Variants in VLDLR observed in about 807,000 individuals in gnomAD.
VLDLR encodes the protein very low density lipoprotein receptor.
Under a neutral mutation model 112.7 loss-of-function variants are expected in VLDLR, and 81 were observed. That is an observed-to-expected ratio of 0.72 (90% CI 0.60 to 0.86). The LOEUF is 0.86. Among genes scored for constraint, VLDLR ranks in the 40% least tolerant of loss-of-function variants. The pLI is 0.00. For synonymous variants in VLDLR, 436 were observed against 384.8 expected, an observed-to-expected ratio of 1.13 and a Z score of -1.56; for missense variants, 1,237 against 1,099.4, an observed-to-expected ratio of 1.13 and a Z score of -1.77.
chr9:2,642,214 C>T (rs1275268650), intron 4 of VLDLR, among the ~76,000 whole-genome samples: 27 of 152,192 alleles, frequency 1.8e-4, no homozygotes, highest in Non-Finnish European at 1.9e-4. Flanking sequence ...TTCTTTCAAG[C>T]TACTGCCCTT....
At position 2,651,882 on chromosome 9, in the gene VLDLR, G is replaced by A. The variant is rs767144958; in HGVS notation, c.2344G>A (p.Val782Met). Residue 782 changes from valine to methionine, a missense_variant, in exon 17 of 19, where the codon GTG becomes ATG. By Grantham distance (21) the Val-to-Met change is conservative. Coordinates refer to ENST00000382100, the MANE Select transcript of VLDLR (RefSeq NM_003383.5). Reference sequence around the variant, plus strand: ...CTTTTATTCCTCTGTAGGGATCAATGTGACCACAGCAGTATCAGAGGTCAG... The same window carrying A: ...CTTTTATTCCTCTGTAGGGATCAATATGACCACAGCAGTATCAGAGGTCAG... Reference protein sequence around the residue: ...TSGLVPGGINVTTAVSEVSVP... With the variant: ...TSGLVPGGINMTTAVSEVSVP... The A allele has an allele frequency of 7.4e-6, 12 of 1,614,038 alleles. No individual in the cohort carries two copies. In the South Asian group the frequency reaches 1.1e-4, roughly 15 times the overall value.
rs894514946 is a variant in VLDLR, at chr9:2,654,190, A to T, written c.*322A>T. ...CAGTGAAACTTGTGCTATAGTGTAT[A>T]CCACCTGTACATACATTGTATAGGC... On this transcript the variant is annotated 3_prime_UTR_variant, in exon 19 of 19. Transcript: ENST00000382100. 5.2e-6 allele frequency: 2 copies of T among 383,864 alleles called. No individual in the cohort carries two copies. Among genetic ancestry groups the T allele is most frequent in the Non-Finnish European group, 9.9e-6 (2 of 202,244 alleles). 23.8% of individuals were successfully genotyped at this position (383,864 alleles called of 1,614,324 possible).
rs1247552110 is a variant in VLDLR at position 2,656,605 on chromosome 9, C to A, written c.*2737C>A. On this transcript the variant is annotated 3_prime_UTR_variant, in exon 19 of 19. Coordinates refer to ENST00000382100, the MANE Select transcript of VLDLR (RefSeq NM_003383.5). ...ATAAGTTTGCTCTGTCTCTAGAGTT[C>A]AATGTAGAAGATAATTAAGAGGTAA... The A allele has an allele frequency of 6.6e-6, 1 of 151,866 alleles. No homozygotes were observed. The highest frequency in any genetic ancestry group is 1.5e-5 in the Non-Finnish European group (1 of 68,008). The allele number at this position is 151,866 out of a possible 1,614,324, so 9.4% of individuals were successfully genotyped here.
chr9:2,626,343 G>C (rs527758364), intron 1 of VLDLR, among the ~76,000 whole-genome samples: 17 of 152,306 alleles, frequency 1.1e-4, no homozygotes, highest in African/African-American at 3.4e-4. Context: ...ACTGCAACTT[G>C]TCACGTGATG....
In VLDLR at chr9:2,652,838, G is replaced by T; in HGVS notation, c.2475G>T (p.Lys825Asn). 6.2e-7 allele frequency: 1 copy of T among 1,614,100 alleles called. No homozygotes were observed. The highest frequency in any genetic ancestry group is 8.5e-7 in the Non-Finnish European group (1 of 1,180,006). ...GYLMWRNWQH[K>N]NMKSMNFDNP... Reference sequence around the variant, plus strand: ...TGATGTGGCGGAATTGGCAACACAAGAACATGAAAAGCATGAACTTTGACA... The same window carrying T: ...TGATGTGGCGGAATTGGCAACACAATAACATGAAAAGCATGAACTTTGACA... The change falls in exon 18 of 19, where the codon AAG (lysine) becomes AAT (asparagine). Residue 825 changes from lysine (K) to asparagine (N), a missense_variant. Lys to Asn is a moderately conservative substitution (Grantham distance 94, BLOSUM62 0). Transcript: ENST00000382100.
intron 1 of VLDLR, among the ~76,000 whole-genome samples, chr9:2,634,960 C>T (rs954144396): frequency 2.0e-5 from 3 of 152,148 alleles, no homozygotes; most frequent in Admixed American, 2.0e-4. Context: ...TAGCCACACA[C>T]GTAGTTTCAA....
rs189180202 is a variant in VLDLR at position 2,654,082 on chromosome 9, C to T, written c.*214C>T. The T allele has an allele frequency of 5.0e-5, 28 of 556,900 alleles. No individual in the cohort carries two copies. The highest frequency in any genetic ancestry group is 3.0e-4 in the African/African-American group (16 of 52,806). 34.5% of individuals were successfully genotyped at this position (556,900 alleles called of 1,614,324 possible). Reference sequence around the variant, plus strand: ...CTACTTCAGCTTTGGATGTGGTTACCGAGTATCTGTAACCCTTGAATTTCT... The same window carrying T: ...CTACTTCAGCTTTGGATGTGGTTACTGAGTATCTGTAACCCTTGAATTTCT... On this transcript the variant is annotated 3_prime_UTR_variant, in exon 19 of 19. Coordinates refer to ENST00000382100, the MANE Select transcript of VLDLR (RefSeq NM_003383.5).
intron 1 of VLDLR, among the ~76,000 whole-genome samples, chr9:2,630,983 C>G (rs1231373628): frequency 6.6e-6 from 1 of 151,988 alleles, no homozygotes. Flanking sequence ...AAAAAATAAT[C>G]CCATTAAAAA....
At chr9:2,639,070 G>T (rs1419455297) in intron 2 of VLDLR, among the ~76,000 whole-genome samples, 1 of 152,210 alleles carries the variant, frequency 6.6e-6, no homozygotes, top group Non-Finnish European at 1.5e-5. Context: ...TGTGTTGTTA[G>T]GGGATGCCCC....
Position 2,648,226 on chromosome 9 carries a change from T to C in VLDLR, c.1841T>C (p.Leu614Pro). 1.2e-6 allele frequency: 2 copies of C among 1,614,206 alleles called. No homozygotes were observed. Among genetic ancestry groups the C allele is most frequent in the Non-Finnish European group, 1.7e-6 (2 of 1,180,024 alleles). The stretch of plus-strand genomic sequence containing the variant: ...TACCTAGACCTTATAAAAAGTCGCC[T>C]CTATTGGCTTGATTCTAAGTTGCAC... ...GITLDLIKSR[L>P]YWLDSKLHML... The change falls in exon 13 of 19, where the codon CTC (leucine) becomes CCC (proline). Residue 614 changes from leucine to proline, a missense_variant. Transcript: ENST00000382100.
intron 7 of VLDLR, 48 bp from the exon 8 acceptor site, chr9:2,644,686 T>A: frequency 1.9e-6 from 3 of 1,613,326 alleles, no homozygotes; most frequent in Non-Finnish European, 2.5e-6. Flanking sequence ...ATGTGAAAGA[T>A]ATTAATTGAA....
At chr9:2,644,678 G>A (rs1390991586) in intron 7 of VLDLR, 56 bp from the exon 8 acceptor site, 3 of 1,612,344 alleles carry the variant, frequency 1.9e-6, no homozygotes, top group Admixed American at 1.7e-5. Context: ...GGTTTTAAAT[G>A]TGAAAGATAT....
chr9:2,655,263 T>TGAG lies in VLDLR; in HGVS notation c.*1399_*1401dup, dbSNP rs1818553505. On this transcript the variant is annotated 3_prime_UTR_variant, in exon 19 of 19. Coordinates refer to ENST00000382100, the MANE Select transcript of VLDLR (RefSeq NM_003383.5). ...TGGAACTTACAGTATGAAGAGCAGA[T>TGAG]GAGGAGTTTGAGACAAAGAAAAAAT... 1 of 152,220 alleles carries TGAG rather than the reference T, an allele frequency of 6.6e-6. No homozygotes were observed. Among genetic ancestry groups the TGAG allele is most frequent in the Admixed American group, 6.5e-5 (1 of 15,278 alleles). The allele number at this position is 152,220 out of a possible 1,614,324, so 9.4% of individuals were successfully genotyped here.
intron 14 of VLDLR, among the ~76,000 whole-genome samples, chr9:2,649,592 A>G (rs1818227995): frequency 6.6e-6 from 1 of 152,108 alleles, no homozygotes; most frequent in Admixed American, 6.5e-5. Flanking sequence ...GGGTTTCACC[A>G]TGTTGGCCAG....
At position 2,622,158 on chromosome 9, in the gene VLDLR, G is replaced by T; in HGVS notation, c.-32G>T. On this transcript the variant is annotated 5_prime_UTR_variant, in exon 1 of 19. Transcript: ENST00000382100. ...TCGTGCGGAGCGAACGGCGGCGGCG[G>T]CGGCGGCGGCGGCACCATCCAGGCG... The T allele has an allele frequency of 7.0e-7, 1 of 1,432,554 alleles. No individual in the cohort carries two copies. Among genetic ancestry groups the T allele is most frequent in the South Asian group, 1.3e-5 (1 of 74,682 alleles). 88.7% of individuals were successfully genotyped at this position (1,432,554 alleles called of 1,614,324 possible).
At chr9:2,630,564 C>T (rs1028654730) in intron 1 of VLDLR, among the ~76,000 whole-genome samples, 1 of 152,164 alleles carries the variant, frequency 6.6e-6, no homozygotes, top group Non-Finnish European at 1.5e-5. Flanking sequence ...TTGGAGTGCT[C>T]CTGCCAGGGT....
intron 1 of VLDLR, among the ~76,000 whole-genome samples, chr9:2,631,488 G>A (rs10967248): frequency 0.06 from 9,126 of 152,270 alleles, 317 homozygotes; most frequent in East Asian, 0.15. Flanking sequence ...CCATGAAAAT[G>A]AATGAAATCA....
intron 3 of VLDLR, among the ~76,000 whole-genome samples, chr9:2,640,879 C>T (rs1817793623): frequency 6.6e-6 from 1 of 152,074 alleles, no homozygotes; most frequent in Non-Finnish European, 1.5e-5. Context: ...ATGACCTGGT[C>T]AAGTCAAGCA....
chr9:2,641,029 C>G (rs1817798290), intron 3 of VLDLR, among the ~76,000 whole-genome samples: 2 of 152,174 alleles, frequency 1.3e-5, no homozygotes, highest in Non-Finnish European at 2.9e-5. Context: ...ATGACAATAT[C>G]TAGGTGTGCC....
Sources: gnomAD v4.1 joint callset for allele counts (sites outside exome capture counted in the v4.1 genomes callset) on GRCh38, gnomAD v4.1.1 for gene constraint, MANE v1.5 for transcripts, NCBI Gene and HGNC (gene_info 2026-07-23, HGNC 2026-07-21) for gene names.